The following GOLGA1 variants were observed in gnomAD, a reference collection of about 807,000 sequenced individuals.
GOLGA1 encodes the protein golgin subfamily A member 1.
A neutral mutation model predicts 119.7 loss-of-function variants in GOLGA1; 63 were observed. The observed-to-expected ratio is 0.53, with a 90% CI of 0.43 to 0.65. The LOEUF is 0.65. GOLGA1 is among the 30% of genes least tolerant of loss of function. The probability of loss-of-function intolerance (pLI) is 0.00; values close to 1 mark genes in which losing one functional copy is unlikely to be tolerated. For missense variants in GOLGA1, 798 were observed against 912.8 expected, an observed-to-expected ratio of 0.87 and a Z score of 1.62; for synonymous variants, 318 against 333.4, an observed-to-expected ratio of 0.95 and a Z score of 0.50.
chr9:124,920,331 TCA>T (rs869181334), intron 10 of GOLGA1, among the ~76,000 whole-genome samples: 1 of 102,298 alleles, frequency 9.8e-6, no homozygotes, highest in African/African-American at 3.1e-5. Flanking sequence ...GAGGAGGACC[TCA>T]TGTGATCCTC....
intron 12 of GOLGA1, among the ~76,000 whole-genome samples, chr9:124,901,897 C>G (rs879822785): frequency 4.6e-5 from 7 of 152,200 alleles, no homozygotes; most frequent in Non-Finnish European, 7.3e-5. Flanking sequence ...AAATACTGAG[C>G]AAGACTGACT....
Position 124,938,609 on chromosome 9 carries a change from C to A in GOLGA1, c.103G>T (p.Ala35Ser). ...IPRSVSKESVASMGADSGDDF... is the reference protein window; with the variant it reads ...IPRSVSKESVSSMGADSGDDF... Reference sequence around the variant, plus strand: ...TCTCCTGAGTCAGCTCCCATTGAGGCAACTGATTCCTTGCTCACAGACCGT... The same window carrying A: ...TCTCCTGAGTCAGCTCCCATTGAGGAAACTGATTCCTTGCTCACAGACCGT... The change falls in exon 3 of 23, where the codon GCC (alanine) becomes TCC (serine). Residue 35 changes from alanine (A) to serine (S), a missense_variant. Physicochemically the swap from Ala to Ser is moderately conservative, Grantham distance 99 (BLOSUM62 1). Transcript: ENST00000373555. The A allele has an allele frequency of 6.2e-7, 1 of 1,613,148 alleles. No individual in the cohort carries two copies. Among genetic ancestry groups the A allele is most frequent in the Non-Finnish European group, 8.5e-7 (1 of 1,179,180 alleles).
chr9:124,883,263 A>G (rs1829631556), intron 19 of GOLGA1, among the ~76,000 whole-genome samples: 1 of 144,152 alleles, frequency 6.9e-6, no homozygotes. Context: ...TGCCCGACTC[A>G]TTTTTGTCTT....
intron 19 of GOLGA1, among the ~76,000 whole-genome samples, chr9:124,887,965 T>C (rs539934952): frequency 1.1e-3 from 170 of 152,318 alleles, no homozygotes; most frequent in African/African-American, 4.0e-3. Flanking sequence ...CGCTATGGCC[T>C]GGCTGGGGAC....
chr9:124,924,846 G>A (rs990327645), intron 7 of GOLGA1, among the ~76,000 whole-genome samples: 20 of 150,004 alleles, frequency 1.3e-4, no homozygotes, highest in African/African-American at 3.2e-4. Context: ...TTGGGAGGCC[G>A]AGGCAGACAG....
At chr9:124,882,334 G>T (rs79868352) in intron 20 of GOLGA1, among the ~76,000 whole-genome samples, 176 bp downstream of exon 20, 1 of 152,204 alleles carries the variant, frequency 6.6e-6, no homozygotes, top group Non-Finnish European at 1.5e-5. Context: ...TGCTTCAGAG[G>T]TGCATGCAGG....
intron 19 of GOLGA1, among the ~76,000 whole-genome samples, chr9:124,884,092 A>G (rs1183118085): frequency 6.7e-6 from 1 of 148,994 alleles, no homozygotes; most frequent in Non-Finnish European, 1.5e-5. Context: ...GCTCTCTGCA[A>G]CCTCTGCCTC....
intron 5 of GOLGA1, 82 bp from the exon 6 acceptor site, chr9:124,928,367 A>C: frequency 1.5e-6 from 1 of 662,244 alleles, no homozygotes; most frequent in Non-Finnish European, 2.6e-6. Flanking sequence ...TACAACTGTC[A>C]CCTAATGAAA....
intron 19 of GOLGA1, 105 bp from the exon 20 acceptor site, chr9:124,882,674 C>G (rs1829618111): frequency 3.4e-6 from 3 of 875,868 alleles, no homozygotes; most frequent in Non-Finnish European, 1.8e-6. Context: ...CTGTGAGGAG[C>G]CTCTGCCCTG....
Position 124,926,757 on chromosome 9 carries a change from A to T in GOLGA1, c.400-16T>A, listed in dbSNP as rs754187585. ...CTGACCATTCCTAAAACAAAACAAT[A>T]AAAAAGTATGGTTTCCAGTGAAGAG... is the stretch of plus-strand genomic sequence containing the variant. On this transcript the variant is annotated splice_polypyrimidine_tract_variant and intron_variant, in intron 6 of 22. Coordinates refer to ENST00000373555, the MANE Select transcript of GOLGA1 (RefSeq NM_002077.4). The T allele has an allele frequency of 6.7e-7, 1 of 1,500,004 alleles. No individual in the cohort carries two copies. The highest frequency in any genetic ancestry group is 1.2e-5 in the South Asian group (1 of 85,954). 92.9% of individuals were successfully genotyped at this position (1,500,004 alleles called of 1,614,324 possible). A position where few individuals can be genotyped will look rare whatever the true frequency, so the allele number is the denominator to read the frequency against.
Position 124,881,409 on chromosome 9 carries a change from G to C in GOLGA1, c.2137-152C>G, listed in dbSNP as rs1258562997. ...ACTCTGAAGTTTGGCAGCAATGATA[G>C]GTTCTTTCTTCCCCTGCATCCTCGG... On this transcript the variant is annotated intron_variant, in intron 21 of 22. Coordinates refer to ENST00000373555, the MANE Select transcript of GOLGA1 (RefSeq NM_002077.4). The surrounding 1 kb of genome is among the most constrained non-coding windows in gnomAD (Gnocchi z 4.9). 3.2e-5 allele frequency: 21 copies of C among 663,754 alleles called. No homozygotes were observed. The highest frequency in any genetic ancestry group is 5.7e-5 in the Non-Finnish European group (21 of 367,402). 41.1% of individuals were successfully genotyped at this position (663,754 alleles called of 1,614,324 possible). A position where few individuals can be genotyped will look rare whatever the true frequency, so the allele number is the denominator to read the frequency against.
rs1437664505 is a variant in GOLGA1 at position 124,881,656 on chromosome 9, G to T, written c.2136+128C>A. On this transcript the variant is annotated intron_variant, in intron 21 of 22. Coordinates refer to ENST00000373555, the MANE Select transcript of GOLGA1 (RefSeq NM_002077.4). The surrounding 1 kb of genome is among the most constrained non-coding windows in gnomAD (Gnocchi z 4.9). ...GCCAACGCCAGCAGGAGAAATGACT[G>T]GGTGACCACAAGGGCGTCAAACCAG... The T allele has an allele frequency of 3.9e-5, 28 of 710,314 alleles. No individual in the cohort carries two copies. The highest frequency in any genetic ancestry group is 6.3e-5 in the Non-Finnish European group (26 of 411,684). 44.0% of individuals were successfully genotyped at this position (710,314 alleles called of 1,614,324 possible). A position where few individuals can be genotyped will look rare whatever the true frequency, so the allele number is the denominator to read the frequency against.
rs148532217 is a variant in GOLGA1 at position 124,912,026 on chromosome 9, C to A, written c.844G>T (p.Val282Phe). Reference protein sequence around the residue: ...IQQLSIDLQKVTAETQEKEDV... With the variant: ...IQQLSIDLQKFTAETQEKEDV... ...TCTTTCTCTTGAGTTTCAGCAGTGA[C>A]CTGCAGGTGAAAGCAGAGATCACTC... The change falls in exon 11 of 23, where the codon GTC (valine) becomes TTC (phenylalanine). Residue 282 changes from valine (V) to phenylalanine (F), a missense_variant and splice_region_variant. By Grantham distance (50) the Val-to-Phe change is conservative. Coordinates refer to ENST00000373555, the MANE Select transcript of GOLGA1 (RefSeq NM_002077.4). 24 of 1,612,898 alleles carry A rather than the reference C, an allele frequency of 1.5e-5. No individual in the cohort carries two copies. The African/African-American group carries it at 2.8e-4, about 19-fold the overall frequency.
At chr9:124,894,660 C>T (rs1829924279) in intron 15 of GOLGA1, among the ~76,000 whole-genome samples, 1 of 152,112 alleles carries the variant, frequency 6.6e-6, no homozygotes, top group African/African-American at 2.4e-5. Flanking sequence ...TGACATACCT[C>T]CCAGGACCCC....
chr9:124,886,652 C>T (rs1384752533), intron 19 of GOLGA1, among the ~76,000 whole-genome samples: 1 of 151,962 alleles, frequency 6.6e-6, no homozygotes, highest in Non-Finnish European at 1.5e-5. Flanking sequence ...TGCACAACGG[C>T]GCACCTCTCA....
At chr9:124,909,210 G>A (rs1409162765) in intron 11 of GOLGA1, among the ~76,000 whole-genome samples, 1 of 151,362 alleles carries the variant, frequency 6.6e-6, no homozygotes, top group African/African-American at 2.4e-5. Flanking sequence ...CTACTTGGGA[G>A]GTTGAGGCAG....
chr9:124,905,512 C>A (rs1830210064), intron 12 of GOLGA1, among the ~76,000 whole-genome samples: 1 of 152,010 alleles, frequency 6.6e-6, no homozygotes, highest in South Asian at 2.1e-4. Flanking sequence ...AATGTTACAC[C>A]AAATAATGAA....
Position 124,881,097 on chromosome 9 carries a change from G to C in GOLGA1, c.2223+74C>G. The C allele has an allele frequency of 1.2e-6, 1 of 835,886 alleles. No individual in the cohort carries two copies. The highest frequency in any genetic ancestry group is 2.4e-5 in the East Asian group (1 of 41,466). 51.8% of individuals were successfully genotyped at this position (835,886 alleles called of 1,614,324 possible). A position where few individuals can be genotyped will look rare whatever the true frequency, so the allele number is the denominator to read the frequency against. On this transcript the variant is annotated intron_variant, in intron 22 of 22. Coordinates refer to ENST00000373555, the MANE Select transcript of GOLGA1 (RefSeq NM_002077.4). This position sits in a 1 kb window ranked among gnomAD's most constrained non-coding sequence, Gnocchi z 4.9. ...CCTACACTCGGGTGTGGGTCTAAGGGGTCTTACACTGCTACTGCTGGGATA... is the reference window on the plus strand; with the variant it reads ...CCTACACTCGGGTGTGGGTCTAAGGCGTCTTACACTGCTACTGCTGGGATA...
At chr9:124,900,169 C>T (rs1482630733) in intron 13 of GOLGA1, 2 of 268,402 alleles carry the variant, frequency 7.5e-6, no homozygotes, top group African/African-American at 2.2e-5. Context: ...TGACTCCTAG[C>T]GGAGCTGCCA....
Sources: gnomAD v4.1 joint callset for allele counts (sites outside exome capture counted in the v4.1 genomes callset) on GRCh38, gnomAD v4.1.1 for gene constraint, Gnocchi (gnomAD v3.1) non-coding constraint, MANE v1.5 for transcripts, NCBI Gene and HGNC (gene_info 2026-07-23, HGNC 2026-07-21) for gene names.